The following FILIP1L variants were observed in gnomAD, a reference collection of about 807,000 sequenced individuals.
FILIP1L encodes the protein filamin A interacting protein 1 like, also known as filamin A-interacting protein 1-like.
FILIP1L carries 55 observed loss-of-function variants against 96.6 expected under a neutral mutation model. That is an observed-to-expected ratio of 0.57 (90% CI 0.46 to 0.71). FILIP1L has a LOEUF of 0.71. Ranked by LOEUF, FILIP1L falls within the 30% of genes least tolerant of loss-of-function variation. FILIP1L has a pLI of 0.00. For missense variants in FILIP1L, 1,304 were observed against 1,321.2 expected, an observed-to-expected ratio of 0.99 and a Z score of 0.20; for synonymous variants, 467 against 473.9, an observed-to-expected ratio of 0.99 and a Z score of 0.19.
intron 1 of FILIP1L, among the ~76,000 whole-genome samples, chr3:100,101,315 T>G (rs1473204391): frequency 6.6e-6 from 1 of 152,176 alleles, no homozygotes; most frequent in Admixed American, 6.5e-5. Context: ...GTGCATTGAC[T>G]TCGTTGACTG....
chr3:100,091,164 A>G (rs1351490945), intron 1 of FILIP1L, among the ~76,000 whole-genome samples: 1 of 151,928 alleles, frequency 6.6e-6, no homozygotes, highest in Non-Finnish European at 1.5e-5. Context: ...GGGCACCTGT[A>G]GTCCCAGCTA....
At chr3:99,844,612 C>T (rs960550858) in intron 5 of FILIP1L, among the ~76,000 whole-genome samples, 2 of 152,134 alleles carry the variant, frequency 1.3e-5, no homozygotes, top group African/African-American at 4.8e-5. Context: ...ACCATAGAAT[C>T]CTTAGACTAC....
At chr3:99,832,332 G>A (rs1942700761) in intron 5 of FILIP1L, among the ~76,000 whole-genome samples, 1 of 148,380 alleles carries the variant, frequency 6.7e-6, no homozygotes. Flanking sequence ...CCGGGCTCCC[G>A]CCATTCTCCT....
intron 1 of FILIP1L, among the ~76,000 whole-genome samples, chr3:100,077,203 G>A (rs1172252016): frequency 4.6e-5 from 7 of 152,216 alleles, no homozygotes; most frequent in Non-Finnish European, 8.8e-5. Flanking sequence ...CATGTTGCTC[G>A]TAGGTTCCAA....
At chr3:99,917,962 TTTG>T (rs1455117550) in intron 4 of FILIP1L, among the ~76,000 whole-genome samples, 1 of 151,926 alleles carries the variant, frequency 6.6e-6, no homozygotes, top group Non-Finnish European at 1.5e-5. Flanking sequence ...CCCTTGTTTG[TTTG>T]TTTTTTGTTT....
At chr3:99,867,259 C>T (rs1944564832) in intron 4 of FILIP1L, among the ~76,000 whole-genome samples, 1 of 152,114 alleles carries the variant, frequency 6.6e-6, no homozygotes, top group Non-Finnish European at 1.5e-5. Flanking sequence ...TTTAGTTTAT[C>T]TATGTGAGAA....
chr3:99,981,377 T>G (rs1301473810), intron 1 of FILIP1L, among the ~76,000 whole-genome samples: 2 of 152,218 alleles, frequency 1.3e-5, no homozygotes, highest in African/African-American at 4.8e-5. Flanking sequence ...ATCTGGCTTC[T>G]GTGGGATCCA....
At chr3:100,107,432 C>T (rs1338571540) in intron 1 of FILIP1L, among the ~76,000 whole-genome samples, 3 of 152,084 alleles carry the variant, frequency 2.0e-5, no homozygotes, top group Non-Finnish European at 4.4e-5. Context: ...ACTTTGTTTA[C>T]TTTGAGAGTG....
At chr3:99,836,178 C>T (rs1027218398) in intron 5 of FILIP1L, among the ~76,000 whole-genome samples, 16 of 152,144 alleles carry the variant, frequency 1.1e-4, no homozygotes, top group Non-Finnish European at 1.0e-4. Flanking sequence ...GATTAACTAT[C>T]TTACAGTACC....
intron 1 of FILIP1L, among the ~76,000 whole-genome samples, chr3:99,943,928 T>C (rs1249346921): frequency 6.6e-6 from 1 of 152,142 alleles, no homozygotes; most frequent in Non-Finnish European, 1.5e-5. Flanking sequence ...TATAGGGTTA[T>C]TGGGAGGATT....
intron 1 of FILIP1L, among the ~76,000 whole-genome samples, chr3:100,087,073 T>A (rs1012355580): frequency 6.6e-6 from 1 of 152,258 alleles, no homozygotes; most frequent in African/African-American, 2.4e-5. Flanking sequence ...GTCATACAGC[T>A]GTACCATAGT....
intron 4 of FILIP1L, chr3:99,898,184 A>G (rs1007753356): frequency 1.5e-4 from 23 of 152,158 alleles, no homozygotes; most frequent in African/African-American, 5.6e-4. Flanking sequence ...TTTGTTGCAT[A>G]TTTTGACATT....
chr3:99,955,953 C>T (rs1401019711), intron 1 of FILIP1L, among the ~76,000 whole-genome samples: 2 of 152,116 alleles, frequency 1.3e-5, no homozygotes, highest in African/African-American at 4.8e-5. Flanking sequence ...ATTGTTATGA[C>T]GTATTTACTT....
In FILIP1L at chr3:99,849,302, C is replaced by G. The variant is rs766486139; in HGVS notation, c.2374G>C (p.Asp792His). The change falls in exon 5 of 6, where the codon GAT (aspartate) becomes CAT (histidine). Residue 792 changes from aspartate to histidine, a missense_variant. Coordinates refer to ENST00000477258, the MANE Select transcript of FILIP1L (RefSeq NM_001387850.1). ...RPSLNGRRIS[D>H]PQVFSKEVQT... is the part of the protein sequence containing the mutation. Reference sequence around the variant, plus strand: ...ACTTCTTTAGAAAATACTTGAGGATCGGAAATTCTTCTTCCATTGAGACTA... The same window carrying G: ...ACTTCTTTAGAAAATACTTGAGGATGGGAAATTCTTCTTCCATTGAGACTA... 3.1e-6 allele frequency: 5 copies of G among 1,614,082 alleles called. No homozygotes were observed. The South Asian group carries it at 5.5e-5, about 18-fold the overall frequency.
At chr3:99,840,746 T>C (rs1198998483) in intron 5 of FILIP1L, among the ~76,000 whole-genome samples, 1 of 152,232 alleles carries the variant, frequency 6.6e-6, no homozygotes, top group African/African-American at 2.4e-5. Context: ...ATCTTAAAGA[T>C]CACCAAGTTC....
chr3:99,835,875 T>G (rs943495059), intron 5 of FILIP1L, among the ~76,000 whole-genome samples: 1 of 152,088 alleles, frequency 6.6e-6, no homozygotes, highest in Admixed American at 6.5e-5. Flanking sequence ...ATGAGTAGGA[T>G]TTTAGTATGA....
intron 1 of FILIP1L, among the ~76,000 whole-genome samples, chr3:100,077,828 AG>A (rs914171692): frequency 2.0e-5 from 3 of 152,140 alleles, no homozygotes; most frequent in African/African-American, 7.2e-5. Context: ...GGATCACTTG[AG>A]CCCAGGAGGT....
intron 5 of FILIP1L, among the ~76,000 whole-genome samples, chr3:99,839,044 C>G (rs1559650864): frequency 6.6e-6 from 1 of 152,116 alleles, no homozygotes; most frequent in Non-Finnish European, 1.5e-5. Context: ...CCTGCCTGCC[C>G]CCACACCTTT....
intron 1 of FILIP1L, among the ~76,000 whole-genome samples, chr3:99,986,292 A>G (rs1709340283): frequency 6.6e-6 from 1 of 152,208 alleles, no homozygotes; most frequent in African/African-American, 2.4e-5. Context: ...GTGTTTTTTC[A>G]TGAAGCTTGT....
Sources: allele counts gnomAD v4.1 joint callset (sites outside exome capture counted in the v4.1 genomes callset), GRCh38; gene constraint gnomAD v4.1.1; transcripts MANE v1.5; gene names NCBI Gene and HGNC (gene_info 2026-07-23, HGNC 2026-07-21).